SLC2A5: variants seen among roughly 807,000 people sequenced by gnomAD.
SLC2A5 encodes solute carrier family 2, facilitated glucose transporter member 5.
A neutral mutation model predicts 50.3 loss-of-function variants in SLC2A5; 56 were observed. The ratio of observed to expected loss-of-function variants is 1.11; its 90% CI spans 0.90 to 1.39. The LOEUF is 1.39. Among genes scored for constraint, SLC2A5 ranks in the 40% most tolerant of loss-of-function variants. The probability of loss-of-function intolerance (pLI) is 0.00; values close to 1 mark genes in which losing one functional copy is unlikely to be tolerated. For missense variants in SLC2A5, 566 were observed against 650.1 expected (o/e 0.87, Z 1.41); for synonymous variants, 269 against 281.9 (o/e 0.95, Z 0.46).
chr1:9,090,657 T>G (rs1642453017), upstream of SLC2A5, among the ~76,000 whole-genome samples: 1 of 152,204 alleles, frequency 6.6e-6, no homozygotes, highest in Non-Finnish European at 1.5e-5. Context: ...TAAAGATGCC[T>G]TTTTTACTAT....
At chr1:9,042,556 T>C (rs1641330558) in intron 4 of SLC2A5, among the ~76,000 whole-genome samples, 1 of 148,272 alleles carries the variant, frequency 6.7e-6, no homozygotes, top group Non-Finnish European at 1.5e-5. Context: ...TGTATATATA[T>C]ATGGCATGTG....
chr1:9,081,849 A>T (rs1642356698), intron 2 of SLC2A5, among the ~76,000 whole-genome samples: 1 of 152,148 alleles, frequency 6.6e-6, no homozygotes, highest in South Asian at 2.1e-4. Context: ...TGGGGAGCTG[A>T]GGTGGGTGGA....
chr1:9,045,243 T>C (rs766999979), intron 4 of SLC2A5, among the ~76,000 whole-genome samples: 1 of 152,176 alleles, frequency 6.6e-6, no homozygotes, highest in Admixed American at 6.5e-5. Context: ...CTTCATGTAA[T>C]AGGCTTATTT....
At chr1:9,056,241 G>A (rs569036288) in intron 3 of SLC2A5, among the ~76,000 whole-genome samples, 1 of 152,064 alleles carries the variant, frequency 6.6e-6, no homozygotes. Flanking sequence ...GCTGGAGTGC[G>A]ATGGTGCGAT....
upstream of SLC2A5, among the ~76,000 whole-genome samples, chr1:9,070,239 C>G (rs1471838942): frequency 1.3e-5 from 2 of 151,748 alleles, no homozygotes; most frequent in African/African-American, 4.8e-5. Flanking sequence ...CACTACCACG[C>G]TCGGCTAATT....
At chr1:9,059,914 C>A (rs1476733931) in intron 1 of SLC2A5, among the ~76,000 whole-genome samples, 2 of 151,102 alleles carry the variant, frequency 1.3e-5, no homozygotes, top group Non-Finnish European at 2.9e-5. Flanking sequence ...GTCATGGGGC[C>A]CCAGATGGGG....
intron 3 of SLC2A5, among the ~76,000 whole-genome samples, chr1:9,056,534 A>C (rs1488249779): frequency 6.6e-6 from 1 of 152,030 alleles, no homozygotes; most frequent in Non-Finnish European, 1.5e-5. Flanking sequence ...AGGAGGAGTC[A>C]GAGTCTGGGT....
intron 1 of SLC2A5, among the ~76,000 whole-genome samples, chr1:9,059,059 G>A (rs1641833309): frequency 6.6e-6 from 1 of 151,600 alleles, no homozygotes; most frequent in Non-Finnish European, 1.5e-5. Context: ...CTGTTGGAGA[G>A]AGCTTGGGAC....
chr1:9,038,474 G>A lies in SLC2A5; in HGVS notation c.1131C>T (p.Ile377=), dbSNP rs754020980. The change falls in exon 10 of 12, where the codon ATC becomes ATT. Residue 377 remains isoleucine, a synonymous_variant. Transcript: ENST00000377424. ...DTVSWMPYIS[I]VCVISYVIGH... ...CTATGACGTAGGAGATGACACAGACGATGCTGATGTATGGCATCCAGGACA... is the reference window on the plus strand; with the variant it reads ...CTATGACGTAGGAGATGACACAGACAATGCTGATGTATGGCATCCAGGACA... 10 of 1,613,412 alleles carry A rather than the reference G, an allele frequency of 6.2e-6. No individual in the cohort carries two copies. Among genetic ancestry groups the A allele is most frequent in the South Asian group, 1.1e-5 (1 of 90,946 alleles).
intron 2 of SLC2A5, chr1:9,084,986 C>A (rs1050694753): frequency 1.2e-4 from 19 of 152,434 alleles, no homozygotes; most frequent in African/African-American, 4.6e-4. Context: ...GGCCCCAAGG[C>A]CTCTGTGCCC....
At chr1:9,086,920 A>T (rs1247701267) in intron 1 of SLC2A5, among the ~76,000 whole-genome samples, 1 of 152,192 alleles carries the variant, frequency 6.6e-6, no homozygotes, top group Non-Finnish European at 1.5e-5. Context: ...GCATAACCAG[A>T]AACATTCCAA....
chr1:9,052,945 G>A (rs1478462573), intron 3 of SLC2A5, among the ~76,000 whole-genome samples: 6 of 117,148 alleles, frequency 5.1e-5, no homozygotes, highest in South Asian at 2.8e-4. Flanking sequence ...CAGCCTGGGC[G>A]ACAGAGTAAG....
intron 1 of SLC2A5, among the ~76,000 whole-genome samples, chr1:9,086,729 G>A (rs1163611731): frequency 6.6e-6 from 1 of 152,040 alleles, no homozygotes; most frequent in Non-Finnish European, 1.5e-5. Flanking sequence ...GTGGGCAGTG[G>A]ACTAGGGAAT....
chr1:9,070,936 T>C (rs536096090), upstream of SLC2A5, among the ~76,000 whole-genome samples: 226 of 152,282 alleles, frequency 1.5e-3, 1 homozygote, highest in African/African-American at 4.9e-3. Flanking sequence ...TTCTTCTGCG[T>C]ATCACTGTCC....
At chr1:9,050,136 G>C (rs757731725) in intron 3 of SLC2A5, among the ~76,000 whole-genome samples, 23 of 152,158 alleles carry the variant, frequency 1.5e-4, no homozygotes, top group Non-Finnish European at 3.2e-4. Context: ...AATTAGCCGG[G>C]TATGGTGGCA....
rs1419652611 is a variant in SLC2A5, at chr1:9,037,486, T to G, written c.*100A>C. ...ATGAGGACTGCATTCCACATCAGAG[T>G]TGTTTTATTTCTGGATATTCACAGA... is the stretch of plus-strand genomic sequence containing the variant. On this transcript the variant is annotated 3_prime_UTR_variant, in exon 12 of 12. Coordinates refer to ENST00000377424, the MANE Select transcript of SLC2A5 (RefSeq NM_003039.3). 1.0e-6 allele frequency: 1 copy of G among 974,794 alleles called. No homozygotes were observed. Among genetic ancestry groups the G allele is most frequent in the African/African-American group, 1.6e-5 (1 of 61,954 alleles). The allele number at this position is 974,794 out of a possible 1,614,324, so 60.4% of individuals were successfully genotyped here.
chr1:9,070,869 G>A (rs374028328), upstream of SLC2A5, among the ~76,000 whole-genome samples: 15 of 152,096 alleles, frequency 9.9e-5, 1 homozygote, highest in South Asian at 3.1e-3. Context: ...GGTCGGGGGG[G>A]TCCCTATTCA....
At chr1:9,056,302 C>G (rs1406811394) in intron 3 of SLC2A5, among the ~76,000 whole-genome samples, 1 of 152,162 alleles carries the variant, frequency 6.6e-6, no homozygotes, top group Non-Finnish European at 1.5e-5. Flanking sequence ...TCTCCGGCCT[C>G]AGCCTCCCGA....
At chr1:9,042,006 A>G in intron 4 of SLC2A5, 69 bp from the exon 5 acceptor site, 2 of 1,472,482 alleles carry the variant, frequency 1.4e-6, no homozygotes, top group Non-Finnish European at 1.8e-6. Flanking sequence ...GTCTTCAAGT[A>G]TACTATTCTT....
Sources: allele counts gnomAD v4.1 joint callset (sites outside exome capture counted in the v4.1 genomes callset), GRCh38; gene constraint gnomAD v4.1.1; transcripts MANE v1.5; gene names NCBI Gene and HGNC (gene_info 2026-07-23, HGNC 2026-07-21).